DIAPH2: variants seen among roughly 807,000 people sequenced by gnomAD.
DIAPH2 encodes the protein protein diaphanous homolog 2.
DIAPH2 carries 35 observed loss-of-function variants against 92.7 expected under a neutral mutation model. The observed-to-expected ratio is 0.38, with a 90% confidence interval of 0.29 to 0.50. The LOEUF (loss-of-function observed/expected upper bound fraction) is 0.50, where lower values mean the gene tolerates loss of function less well. DIAPH2 is among the 20% of genes least tolerant of loss of function. The probability of loss-of-function intolerance (pLI) is 0.94; values close to 1 mark genes in which losing one functional copy is unlikely to be tolerated. For synonymous variants in DIAPH2, 301 were observed against 280.4 expected (o/e 1.07, Z -0.73); for missense variants, 701 against 819.5 (o/e 0.86, Z 1.77).
Position 96,937,308 on chromosome X carries a change from A to G in DIAPH2, c.1165A>G (p.Thr389Ala). The change falls in exon 11 of 27, where the codon ACT (threonine) becomes GCT (alanine). Residue 389 changes from threonine to alanine, a missense_variant. This residue lies in a region of DIAPH2 where 536 missense variants were observed against 599.3 expected (regional missense o/e 0.89). Transcript: ENST00000324765. Reference protein sequence around the residue: ...VFDENKEDDLTELSHRLNDIR... With the variant: ...VFDENKEDDLAELSHRLNDIR... Reference sequence around the variant, plus strand: ...TGATGAAAACAAAGAAGATGACCTAACTGAATTATCACACCGTCTCAATGA... The same window carrying G: ...TGATGAAAACAAAGAAGATGACCTAGCTGAATTATCACACCGTCTCAATGA... 8.6e-7 allele frequency: 1 copy of G among 1,159,607 alleles called. No individual in the cohort carries two copies. The highest frequency in any genetic ancestry group is 1.2e-6 in the Non-Finnish European group (1 of 859,963).
chrX:96,870,393 C>T (rs2065132670), intron 4 of DIAPH2, among the ~76,000 whole-genome samples: 1 of 108,563 alleles, frequency 9.2e-6, no homozygotes, highest in African/African-American at 3.4e-5. Context: ...TCCCGAGTAG[C>T]TGGGACTACA....
At chrX:97,049,069 C>A (rs968861344) in intron 17 of DIAPH2, among the ~76,000 whole-genome samples, 2 of 110,730 alleles carry the variant, frequency 1.8e-5, no homozygotes, top group Admixed American at 9.6e-5. Flanking sequence ...TTTAAGTTAA[C>A]AGACAACAAA....
intron 18 of DIAPH2, among the ~76,000 whole-genome samples, chrX:97,074,380 T>A (rs2066690805): frequency 9.0e-6 from 1 of 111,170 alleles, no homozygotes; most frequent in Non-Finnish European, 1.9e-5. Flanking sequence ...CACTACAGAC[T>A]GGGCAACAAG....
At chrX:96,913,346 GA>G (rs2065481311) in intron 7 of DIAPH2, among the ~76,000 whole-genome samples, 1 of 111,341 alleles carries the variant, frequency 9.0e-6, no homozygotes, top group South Asian at 3.7e-4. Flanking sequence ...TAAATGTTCA[GA>G]AAACATAACA....
chrX:96,771,508 C>T (rs902382329), intron 4 of DIAPH2, among the ~76,000 whole-genome samples: 2 of 111,310 alleles, frequency 1.8e-5, no homozygotes, highest in Admixed American at 1.9e-4. Context: ...TTTTGATCAT[C>T]TATGTAGAAT....
At chrX:96,839,878 G>A (rs1182901311) in intron 4 of DIAPH2, among the ~76,000 whole-genome samples, 1 of 111,740 alleles carries the variant, frequency 8.9e-6, no homozygotes, top group Non-Finnish European at 1.9e-5. Flanking sequence ...AGTCTTGATA[G>A]CATAGAATTA....
intron 17 of DIAPH2, among the ~76,000 whole-genome samples, chrX:97,023,183 AAAT>A (rs201252003): frequency 0.038 from 4,261 of 111,986 alleles, 214 homozygotes; most frequent in African/African-American, 0.13. Flanking sequence ...TTGTCATTGG[AAAT>A]AATGCAGATT....
chrX:97,515,209 G>A (rs1204838297), intron 26 of DIAPH2, among the ~76,000 whole-genome samples: 8 of 112,189 alleles, frequency 7.1e-5, no homozygotes, highest in Non-Finnish European at 1.1e-4. Flanking sequence ...ATATAATCTC[G>A]TGGTGCACCG....
chrX:96,737,917 G>A (rs2064096978), intron 2 of DIAPH2, among the ~76,000 whole-genome samples: 1 of 111,533 alleles, frequency 9.0e-6, no homozygotes, highest in South Asian at 3.7e-4. Flanking sequence ...GCAGCTAAGT[G>A]CAATAAACAT....
intron 17 of DIAPH2, among the ~76,000 whole-genome samples, chrX:96,975,427 C>A (rs1381402303): frequency 9.0e-6 from 1 of 111,717 alleles, no homozygotes; most frequent in East Asian, 2.8e-4. Flanking sequence ...AGTGCACAGC[C>A]CTTGTAAGAT....
intron 4 of DIAPH2, among the ~76,000 whole-genome samples, chrX:96,791,925 G>C (rs2064505224): frequency 9.0e-6 from 1 of 111,074 alleles, no homozygotes; most frequent in South Asian, 3.8e-4. Flanking sequence ...AGTTGTGCCT[G>C]ATGCTCAACC....
At chrX:97,066,080 T>C (rs1452532612) in intron 17 of DIAPH2, among the ~76,000 whole-genome samples, 1 of 112,014 alleles carries the variant, frequency 8.9e-6, no homozygotes. Flanking sequence ...TAAGTTATTA[T>C]TGAAGAAAGA....
At chrX:97,113,498 C>T (rs1164938457) in intron 20 of DIAPH2, among the ~76,000 whole-genome samples, 3 of 112,050 alleles carry the variant, frequency 2.7e-5, no homozygotes, top group Non-Finnish European at 5.6e-5. Context: ...TTTCATCATA[C>T]TTTTGTATAT....
intron 22 of DIAPH2, among the ~76,000 whole-genome samples, chrX:97,149,453 C>T (rs927349892): frequency 1.8e-5 from 2 of 110,303 alleles, no homozygotes; most frequent in East Asian, 2.9e-4. Context: ...GATTTCAGGC[C>T]GGGCGCGGTG....
chrX:97,588,802 A>G (rs1380371026), intron 26 of DIAPH2, among the ~76,000 whole-genome samples: 1 of 106,107 alleles, frequency 9.4e-6, no homozygotes, highest in African/African-American at 3.4e-5. Context: ...TCTTTCCATT[A>G]TAGTATACTT....
chrX:96,927,923 A>G (rs2065594778), intron 9 of DIAPH2, among the ~76,000 whole-genome samples: 2 of 111,615 alleles, frequency 1.8e-5, no homozygotes, highest in South Asian at 7.5e-4. Flanking sequence ...TGTGTACTAG[A>G]CAACATATTG....
chrX:97,097,433 A>T (rs2066877012), intron 19 of DIAPH2, among the ~76,000 whole-genome samples: 2 of 112,118 alleles, frequency 1.8e-5, no homozygotes, highest in African/African-American at 6.5e-5. Flanking sequence ...ATCCAAGGCC[A>T]CTAAATGTGT....
At chrX:97,359,806 G>A (rs1043097769) in intron 24 of DIAPH2, among the ~76,000 whole-genome samples, 2 of 109,865 alleles carry the variant, frequency 1.8e-5, no homozygotes, top group African/African-American at 6.6e-5. Context: ...TTGAACTCTG[G>A]ACCTCGTAAT....
intron 17 of DIAPH2, among the ~76,000 whole-genome samples, chrX:97,007,529 C>T (rs778977847): frequency 1.3e-3 from 144 of 109,755 alleles, no homozygotes; most frequent in African/African-American, 4.3e-3. Flanking sequence ...GTGTGCTGCC[C>T]GATTTATGGG....
Sources: gnomAD v4.1 joint callset for allele counts (sites outside exome capture counted in the v4.1 genomes callset) on GRCh38, gnomAD v4.1.1 for gene constraint, gnomAD v4.1.1 regional missense constraint, MANE v1.5 for transcripts, NCBI Gene and HGNC (gene_info 2026-07-23, HGNC 2026-07-21) for gene names.